The following CD36 variants were observed in gnomAD, a reference collection of about 807,000 sequenced individuals.
The protein encoded by CD36 is platelet glycoprotein 4.
Under a neutral mutation model 55.2 loss-of-function variants are expected in CD36, and 119 were observed. The observed-to-expected ratio is 2.15, with a 90% confidence interval of 1.86 to 2.51. The LOEUF (loss-of-function observed/expected upper bound fraction) is 2.51. Ranked by LOEUF, CD36 falls within the 30% of genes most tolerant of loss-of-function variation. CD36 has a pLI of 0.00. For synonymous variants in CD36, 186 were observed against 193.6 expected (o/e 0.96, Z 0.33); for missense variants, 819 against 555.5 (o/e 1.47, Z -4.77).
At position 80,661,271 on chromosome 7, in the gene CD36, C is replaced by T. The variant is rs1244319923; in HGVS notation, c.429+61C>T. 5.6e-6 allele frequency: 8 copies of T among 1,429,418 alleles called. No homozygotes were observed. In the East Asian group the frequency reaches 6.9e-5, roughly 12 times the overall value. The allele number at this position is 1,429,418 out of a possible 1,614,324, so 88.5% of individuals were successfully genotyped here. A position where few individuals can be genotyped will look rare whatever the true frequency, so the allele number is the denominator to read the frequency against. ...ATACTCTAGAACTCATGTAATTAAT[C>T]CTATCATTAGAATTATTAGGTTTTA... On this transcript the variant is annotated intron_variant, in intron 5 of 14. Coordinates refer to ENST00000447544, the MANE Select transcript of CD36 (RefSeq NM_001001548.3).
At chr7:80,662,549 C>A (rs560834211) in intron 5 of CD36, 35 of 283,166 alleles carry the variant, frequency 1.2e-4, no homozygotes, top group African/African-American at 6.9e-4. Flanking sequence ...ATTTCTGTCA[C>A]GTGTGGCTCC....
At chr7:80,620,410 GAA>G (rs1793400157) in intron 1 of CD36, among the ~76,000 whole-genome samples, 1 of 152,150 alleles carries the variant, frequency 6.6e-6, no homozygotes. Flanking sequence ...GCAGCTCACA[GAA>G]GTCAGGGAAA....
At chr7:80,620,522 G>C (rs1793404858) in intron 1 of CD36, among the ~76,000 whole-genome samples, 1 of 152,120 alleles carries the variant, frequency 6.6e-6, no homozygotes, top group South Asian at 2.1e-4. Flanking sequence ...TGCCTTCCCT[G>C]GCATGTCACC....
rs1338852095 is a variant in CD36 at position 80,661,207 on chromosome 7, G to A, written c.426G>A (p.Val142=). The A allele has an allele frequency of 6.2e-7, 1 of 1,613,636 alleles. No individual in the cohort carries two copies. The highest frequency in any genetic ancestry group is 1.3e-5 in the African/African-American group (1 of 74,898). The change falls in exon 5 of 15, where the codon GTG becomes GTA. Residue 142 remains valine (V), a synonymous_variant. Transcript: ENST00000447544. ...ADNFTVLNLA[V]AAASHIYQNQ... ...ACTTCACAGTTCTCAATCTGGCTGT[G>A]GCAGTGAGTAGACAAACAACAAAGT...
At chr7:80,626,735 T>G (rs1392290150) in intron 1 of CD36, among the ~76,000 whole-genome samples, 1 of 152,070 alleles carries the variant, frequency 6.6e-6, no homozygotes, top group Non-Finnish European at 1.5e-5. Flanking sequence ...ACTTGAAAAG[T>G]ACATTTTTGC....
At chr7:80,672,125 A>C in intron 11 of CD36, 85 bp downstream of exon 11, 1 of 1,094,604 alleles carries the variant, frequency 9.1e-7, no homozygotes, top group Non-Finnish European at 1.4e-6. Flanking sequence ...ATGATTATTT[A>C]TTCAATAAAT....
intron 1 of CD36, among the ~76,000 whole-genome samples, chr7:80,614,080 C>A (rs999399661): frequency 1.3e-5 from 2 of 152,162 alleles, no homozygotes; most frequent in Non-Finnish European, 2.9e-5. Context: ...TGCCAATCAG[C>A]TTTCTTACTA....
At chr7:80,605,111 T>C (rs1057369694) in intron 1 of CD36, among the ~76,000 whole-genome samples, 20 of 152,128 alleles carry the variant, frequency 1.3e-4, no homozygotes, top group African/African-American at 4.3e-4. Flanking sequence ...CCAGAGAAGA[T>C]ACAAAATTTT....
At chr7:80,629,187 CTCT>C (rs1793922847) in intron 1 of CD36, among the ~76,000 whole-genome samples, 2 of 152,110 alleles carry the variant, frequency 1.3e-5, no homozygotes, top group Non-Finnish European at 2.9e-5. Flanking sequence ...AGATTGCTGG[CTCT>C]TCTTAACTTT....
upstream of CD36, among the ~76,000 whole-genome samples, chr7:80,635,678 T>A (rs1432773082): frequency 6.6e-6 from 1 of 152,164 alleles, no homozygotes; most frequent in Non-Finnish European, 1.5e-5. Context: ...ATTTCTACCA[T>A]GTTTAAGAGA....
At chr7:80,633,632 T>G (rs1238656196) in intron 1 of CD36, among the ~76,000 whole-genome samples, 1 of 152,028 alleles carries the variant, frequency 6.6e-6, no homozygotes, top group Non-Finnish European at 1.5e-5. Flanking sequence ...AAGTCCTTCC[T>G]CAACTTATAA....
chr7:80,646,343 A>C, intron 2 of CD36, 162 bp downstream of exon 2: 1 of 262,734 alleles, frequency 3.8e-6, no homozygotes, highest in African/African-American at 2.2e-5. Context: ...TGCTGAGACA[A>C]GGGAAGAGAG....
rs747734286 is a variant in CD36 at position 80,672,729 on chromosome 7, GT to G, written c.1126-36del. 14 of 1,350,722 alleles carry G rather than the reference GT, an allele frequency of 1.0e-5. No individual in the cohort carries two copies. The South Asian group carries it at 1.4e-4, about 14-fold the overall frequency. 83.7% of individuals were successfully genotyped at this position (1,350,722 alleles called of 1,614,324 possible). A position where few individuals can be genotyped will look rare whatever the true frequency, so the allele number is the denominator to read the frequency against. ...TAAGTTTTGAATAGTATAAAATAAT[GT>G]TTTTAAAAGTTGGTAATTATTTAGT... On this transcript the variant is annotated intron_variant, in intron 11 of 14. Transcript: ENST00000447544.
intron 1 of CD36, among the ~76,000 whole-genome samples, chr7:80,608,017 G>A (rs918727924): frequency 6.6e-5 from 10 of 152,016 alleles, no homozygotes; most frequent in African/African-American, 2.4e-4. Context: ...TGATCCGCCC[G>A]CCTCGGCCTC....
chr7:80,610,203 C>T (rs1584264207), intron 1 of CD36, among the ~76,000 whole-genome samples: 1 of 152,086 alleles, frequency 6.6e-6, no homozygotes, highest in South Asian at 2.1e-4. Flanking sequence ...TTCACAATGC[C>T]TTTTTAAAAA....
chr7:80,619,650 A>C (rs1793349261), intron 1 of CD36, among the ~76,000 whole-genome samples: 1 of 103,270 alleles, frequency 9.7e-6, no homozygotes, highest in Admixed American at 1.1e-4. Flanking sequence ...CTGTCTCAAA[A>C]CAGAAAAAAA....
At chr7:80,647,044 T>C (rs966359772) in intron 3 of CD36, 184 bp downstream of exon 3, 2 of 598,180 alleles carry the variant, frequency 3.3e-6, no homozygotes, top group Non-Finnish European at 5.8e-6. Context: ...ATAAGTATAA[T>C]GTATATTTAA....
intron 1 of CD36, among the ~76,000 whole-genome samples, chr7:80,626,701 A>G (rs1328482740): frequency 6.6e-6 from 1 of 152,130 alleles, no homozygotes; most frequent in Non-Finnish European, 1.5e-5. Flanking sequence ...AATCTGATAC[A>G]CAAATGTATT....
At chr7:80,607,840 C>G (rs932657929) in intron 1 of CD36, among the ~76,000 whole-genome samples, 1 of 152,016 alleles carries the variant, frequency 6.6e-6, no homozygotes, top group African/African-American at 2.4e-5. Context: ...GGTGCAATTT[C>G]GGCTCACTGC....
Sources: gnomAD v4.1 joint callset for allele counts (sites outside exome capture counted in the v4.1 genomes callset) on GRCh38, gnomAD v4.1.1 for gene constraint, MANE v1.5 for transcripts, NCBI Gene and HGNC (gene_info 2026-07-23, HGNC 2026-07-21) for gene names.